The following USP32 variants were observed in gnomAD, a reference collection of about 807,000 sequenced individuals.
USP32 encodes the protein ubiquitin specific peptidase 32.
USP32 carries 59 observed loss-of-function variants against 204.8 expected under a neutral mutation model. The ratio of observed to expected loss-of-function variants is 0.29; its 90% CI spans 0.23 to 0.36. The LOEUF is 0.36. USP32 is among the 10% of genes least tolerant of loss of function. The pLI is 1.00. For synonymous variants in USP32, 517 were observed against 678.4 expected (o/e 0.76, Z 3.70); for missense variants, 1,160 against 1,946.4 (o/e 0.60, Z 7.60).
chr17:60,335,232 G>C (rs1268182973), intron 2 of USP32, among the ~76,000 whole-genome samples: 1 of 142,440 alleles, frequency 7.0e-6, no homozygotes, highest in Non-Finnish European at 1.5e-5. Context: ...ATTCCGAAAA[G>C]TGGTGGGATT....
chr17:60,239,393 A>G (rs1219798241), intron 11 of USP32, among the ~76,000 whole-genome samples: 1 of 152,202 alleles, frequency 6.6e-6, no homozygotes, highest in Non-Finnish European at 1.5e-5. Context: ...GTTTAGGACA[A>G]TTATTTCTTC....
chr17:60,215,005 G>A (rs1204651365), intron 16 of USP32, among the ~76,000 whole-genome samples: 2 of 152,072 alleles, frequency 1.3e-5, no homozygotes, highest in African/African-American at 4.8e-5. Flanking sequence ...GTCTTGTTAT[G>A]TTGCCAGACT....
chr17:60,379,863 T>C (rs1485095565), intron 1 of USP32, among the ~76,000 whole-genome samples: 2 of 152,192 alleles, frequency 1.3e-5, no homozygotes, highest in East Asian at 1.9e-4. Context: ...TGTAACCATA[T>C]GGTTCTCTCA....
intron 12 of USP32, among the ~76,000 whole-genome samples, chr17:60,226,556 C>T (rs1226047664): frequency 6.6e-6 from 1 of 151,850 alleles, no homozygotes; most frequent in East Asian, 1.9e-4. Flanking sequence ...TCCTTATTTC[C>T]CATAGTACAT....
intron 4 of USP32, among the ~76,000 whole-genome samples, chr17:60,289,837 A>AT (rs2087224210): frequency 6.6e-6 from 1 of 152,230 alleles, no homozygotes; most frequent in Non-Finnish European, 1.5e-5. Flanking sequence ...TCTAATCCTA[A>AT]TAGACATGCT....
chr17:60,349,597 ATATATATATATATATATATATATATATT>A lies in USP32; in HGVS notation c.59-4017_59-3990del, dbSNP rs1273617979. Among the ~76,000 whole-genome samples, 7 of 38,538 alleles carry A rather than the reference ATATATATATATATATATATATATATATT, an allele frequency of 1.8e-4. No individual in the cohort carries two copies. The East Asian group carries it at 5.6e-3, about 31-fold the overall frequency. 25.3% of individuals were successfully genotyped at this position (38,538 alleles called of 152,430 possible). On this transcript the variant is annotated intron_variant, in intron 1 of 33. Coordinates refer to ENST00000300896, the MANE Select transcript of USP32 (RefSeq NM_032582.4). ...TCAAAAGAAAAAAAAAAAAAAAAAA[ATATATATATATATATATATATATATATT>A]ATATATATATATATATATTATATAT... is the stretch of plus-strand genomic sequence containing the variant.
At chr17:60,298,215 C>A (rs1183149504) in intron 3 of USP32, among the ~76,000 whole-genome samples, 2 of 152,226 alleles carry the variant, frequency 1.3e-5, no homozygotes, top group South Asian at 4.1e-4. Context: ...ATATTCATGG[C>A]CCCTCCGATA....
At chr17:60,381,493 T>G (rs576791717) in intron 1 of USP32, among the ~76,000 whole-genome samples, 1 of 151,792 alleles carries the variant, frequency 6.6e-6, no homozygotes, top group African/African-American at 2.4e-5. Context: ...TGCCTCCTAC[T>G]CCTCCAATTC....
chr17:60,318,046 C>G lies in USP32; in HGVS notation c.187-16342G>C, dbSNP rs190167989. On this transcript the variant is annotated intron_variant, in intron 2 of 33. Transcript: ENST00000300896. Reference sequence around the variant, plus strand: ...AACTGGCTTTTGTTATTGATCATGACTGTTAAACATTTTTAAAATCAGTGG... The same window carrying G: ...AACTGGCTTTTGTTATTGATCATGAGTGTTAAACATTTTTAAAATCAGTGG... Among the ~76,000 whole-genome samples, 332 of 152,292 alleles carry G rather than the reference C, an allele frequency of 2.2e-3. 4 individuals carry two copies. The highest frequency in any genetic ancestry group is 7.5e-3 in the African/African-American group (313 of 41,574).
chr17:60,398,341 C>T (rs2089913100), intron 1 of USP32, among the ~76,000 whole-genome samples: 1 of 152,050 alleles, frequency 6.6e-6, no homozygotes, highest in African/African-American at 2.4e-5. Flanking sequence ...GCTACAGTTA[C>T]CCATGACTGC....
chr17:60,345,358 C>T (rs1156357266), intron 2 of USP32, 123 bp downstream of exon 2: 1 of 1,361,570 alleles, frequency 7.3e-7, no homozygotes, highest in Non-Finnish European at 1.0e-6. Context: ...ATTGTTTACC[C>T]ACTCAGGAAG....
At chr17:60,400,652 T>C (rs2089928194) in intron 1 of USP32, among the ~76,000 whole-genome samples, 1 of 152,184 alleles carries the variant, frequency 6.6e-6, no homozygotes. Flanking sequence ...GAGTTAGATA[T>C]TTAACTCTGA....
intron 1 of USP32, among the ~76,000 whole-genome samples, chr17:60,376,880 A>T (rs1211897063): frequency 6.6e-6 from 1 of 152,166 alleles, no homozygotes; most frequent in Non-Finnish European, 1.5e-5. Context: ...CAGTTGGATA[A>T]AAGTTTTCTT....
At chr17:60,249,856 TTTTTTTAACAAC>T in intron 11 of USP32, 1 of 644,366 alleles carries the variant, frequency 1.6e-6, no homozygotes, top group Non-Finnish European at 2.8e-6. Context: ...CGATACTTTT[TTTTTTTAACAAC>T]GTACTGACTG....
chr17:60,310,728 A>T (rs1382988491), intron 2 of USP32, among the ~76,000 whole-genome samples: 3 of 151,716 alleles, frequency 2.0e-5, no homozygotes, highest in South Asian at 4.2e-4. Context: ...ATTTGCAGCA[A>T]CATGTTAAGT....
chr17:60,276,555 TC>T (rs1231267544), intron 5 of USP32, among the ~76,000 whole-genome samples: 4 of 152,116 alleles, frequency 2.6e-5, no homozygotes, highest in Admixed American at 6.5e-5. Context: ...AAGATAGCAG[TC>T]TTGACGATAG....
At chr17:60,225,406 G>A (rs923867569) in intron 13 of USP32, among the ~76,000 whole-genome samples, 3 of 152,124 alleles carry the variant, frequency 2.0e-5, no homozygotes, top group Non-Finnish European at 4.4e-5. Flanking sequence ...GCAGTAAGCC[G>A]TGATTATGCC....
intron 3 of USP32, among the ~76,000 whole-genome samples, chr17:60,298,818 T>A (rs1227877753): frequency 6.6e-6 from 1 of 152,186 alleles, no homozygotes; most frequent in Non-Finnish European, 1.5e-5. Context: ...CATATACACG[T>A]GTCAAAACAT....
chr17:60,255,286 C>T, intron 9 of USP32, 28 bp from the exon 10 acceptor site: 1 of 1,202,844 alleles, frequency 8.3e-7, no homozygotes, highest in Middle Eastern at 2.0e-4. Context: ...ATGTTAGGAA[C>T]ATCTTTTTTT....
Sources: allele counts gnomAD v4.1 joint callset (sites outside exome capture counted in the v4.1 genomes callset), GRCh38; gene constraint gnomAD v4.1.1; transcripts MANE v1.5; gene names NCBI Gene and HGNC (gene_info 2026-07-23, HGNC 2026-07-21).